Variants in ZNF385C observed in about 807,000 individuals in gnomAD.
ZNF385C encodes the protein zinc finger protein 385C.
A neutral mutation model predicts 35.4 loss-of-function variants in ZNF385C; 28 were observed. The ratio of observed to expected loss-of-function variants is 0.79; its 90% confidence interval spans 0.59 to 1.08. ZNF385C has a LOEUF of 1.08. Among genes scored for constraint, ZNF385C ranks in the 50% least tolerant of loss-of-function variants. The pLI, the probability that ZNF385C is intolerant of heterozygous loss-of-function variation, is 0.00. For synonymous variants in ZNF385C, 248 were observed against 248.2 expected, an observed-to-expected ratio of 1.00 and a Z score of 0.01; for missense variants, 605 against 595.6, an observed-to-expected ratio of 1.02 and a Z score of -0.16.
chr17:42,042,875 GCT>G, intron 2 of ZNF385C: 7 of 1,232,292 alleles, frequency 5.7e-6, no homozygotes, highest in Non-Finnish European at 7.1e-6. Context: ...TAATCGCCAT[GCT>G]CTGTGCCCAG....
intron 1 of ZNF385C, among the ~76,000 whole-genome samples, chr17:42,069,046 G>C (rs1319910118): frequency 6.6e-6 from 1 of 152,166 alleles, no homozygotes; most frequent in Non-Finnish European, 1.5e-5. Context: ...CCATCCATCT[G>C]TCTGTCTGTC....
intron 2 of ZNF385C, among the ~76,000 whole-genome samples, chr17:42,057,511 CGCGT>C (rs1196738111): frequency 2.7e-5 from 4 of 145,990 alleles, no homozygotes; most frequent in African/African-American, 1.1e-4. Context: ...CGCGCGCGCG[CGCGT>C]GTGTGTGTGT....
chr17:42,037,726 C>A lies in ZNF385C; in HGVS notation c.399+11G>T, dbSNP rs1419939112. 6 of 1,519,268 alleles carry A rather than the reference C, an allele frequency of 3.9e-6. No homozygotes were observed. The highest frequency in any genetic ancestry group is 1.4e-5 in the African/African-American group (1 of 72,014). 94.1% of individuals were successfully genotyped at this position (1,519,268 alleles called of 1,614,324 possible). A position where few individuals can be genotyped will look rare whatever the true frequency, so the allele number is the denominator to read the frequency against. On this transcript the variant is annotated intron_variant, in intron 3 of 8. Coordinates refer to ENST00000692273, the MANE Select transcript of ZNF385C (RefSeq NM_001392013.1). The stretch of plus-strand genomic sequence containing the variant: ...TGTGTGCATGCCCCCACCCGCCAGC[C>A]CAGCCCATACCGTGCTGAAGTTGGG...
intron 1 of ZNF385C, among the ~76,000 whole-genome samples, chr17:42,086,590 T>G (rs1166745022): frequency 1.3e-5 from 2 of 148,472 alleles, no homozygotes; most frequent in East Asian, 4.1e-4. Flanking sequence ...TCATTCCAGC[T>G]ACTTGGGAGG....
rs1167019476 is a variant in ZNF385C, at chr17:42,057,226, C to G, written c.250+5581G>C. Among the ~76,000 whole-genome samples the G allele has an allele frequency of 4.6e-5, 7 of 152,174 alleles. No homozygotes were observed. In the South Asian group the frequency reaches 8.3e-4, roughly 18 times the overall value. ...TGTTACCTAATCTCCCTGAGCCCCA[C>G]TCTCCCAGTTTATAAAGTGAGACTG... On this transcript the variant is annotated intron_variant, in intron 2 of 8. Transcript: ENST00000692273.
chr17:42,038,092 C>T (rs999068259), intron 2 of ZNF385C: 195 of 1,532,042 alleles, frequency 1.3e-4, no homozygotes, highest in Non-Finnish European at 1.5e-4. Context: ...GCAGGGAGTC[C>T]ACAGTTGAGG....
At position 42,050,481 on chromosome 17, in the gene ZNF385C, G is replaced by C. The variant is rs1354682156; in HGVS notation, c.250+12326C>G. ...GGTCCCGCAGAGGCACTGAGCCTCC[G>C]CCCGCCCGTCCCGCCCGCTCCGGGA... is the stretch of plus-strand genomic sequence containing the variant. On this transcript the variant is annotated intron_variant, in intron 2 of 8. Transcript: ENST00000692273. The surrounding 1 kb of genome is among the most constrained non-coding windows in gnomAD (Gnocchi z 5.6). The C allele has an allele frequency of 6.6e-6, 1 of 152,102 alleles. No homozygotes were observed. Among genetic ancestry groups the C allele is most frequent in the African/African-American group, 2.4e-5 (1 of 41,404 alleles). The allele number at this position is 152,102 out of a possible 1,614,324, so 9.4% of individuals were successfully genotyped here. A position where few individuals can be genotyped will look rare whatever the true frequency, so the allele number is the denominator to read the frequency against.
intron 1 of ZNF385C, among the ~76,000 whole-genome samples, chr17:42,082,457 A>G (rs1467856900): frequency 6.6e-5 from 10 of 152,142 alleles, no homozygotes; most frequent in African/African-American, 1.9e-4. Context: ...GCTCCTCTAG[A>G]TCCCTACTCC....
At chr17:42,061,577 A>C (rs1483583163) in intron 2 of ZNF385C, 1 of 152,208 alleles carries the variant, frequency 6.6e-6, no homozygotes, top group African/African-American at 2.4e-5. Context: ...CCCATCAGTC[A>C]GATACTCTCT....
Position 42,029,030 on chromosome 17 carries a change from T to G in ZNF385C, c.720A>C (p.Pro240=). The G allele has an allele frequency of 6.5e-7, 1 of 1,550,188 alleles. No individual in the cohort carries two copies. Among genetic ancestry groups the G allele is most frequent in the Non-Finnish European group, 8.7e-7 (1 of 1,146,942 alleles). Residue 240 remains proline (P), a synonymous_variant, in exon 6 of 9, where the codon CCA becomes CCC. Transcript: ENST00000692273. ...PPLGPPLQPP[P]TPDPTCREPA... is the part of the protein sequence containing the mutation. ...GCTCCCTGCATGTAGGGTCTGGAGT[T>G]GGTGGTGGCTGGAGTGGAGGCCCAA... is the stretch of plus-strand genomic sequence containing the variant.
intron 2 of ZNF385C, among the ~76,000 whole-genome samples, chr17:42,047,265 C>A (rs1335788977): frequency 6.6e-6 from 1 of 152,184 alleles, no homozygotes; most frequent in Admixed American, 6.6e-5. Context: ...ATCTCCTGAC[C>A]TCGTGATCCG....
At chr17:42,077,353 G>A (rs1316680172) in intron 1 of ZNF385C, among the ~76,000 whole-genome samples, 3 of 152,126 alleles carry the variant, frequency 2.0e-5, no homozygotes, top group Non-Finnish European at 4.4e-5. Context: ...CTAATAGTAG[G>A]GGCATTATTA....
At chr17:42,034,919 G>A (rs1217922168) in intron 3 of ZNF385C, among the ~76,000 whole-genome samples, 1 of 151,596 alleles carries the variant, frequency 6.6e-6, no homozygotes, top group Non-Finnish European at 1.5e-5. Flanking sequence ...CTGAGGTCAG[G>A]AGTTCAAGAC....
chr17:42,094,340 G>A (rs2053895564), intron 1 of ZNF385C, among the ~76,000 whole-genome samples: 1 of 152,178 alleles, frequency 6.6e-6, no homozygotes, highest in South Asian at 2.1e-4. Flanking sequence ...AAGAGACTAA[G>A]GCAGAGAGTC....
chr17:42,055,055 C>A (rs1555657441), intron 2 of ZNF385C, among the ~76,000 whole-genome samples: 2 of 152,090 alleles, frequency 1.3e-5, no homozygotes, highest in Non-Finnish European at 2.9e-5. Flanking sequence ...GGCAGCCAGC[C>A]CACAGCTGGA....
rs555503615 is a variant in ZNF385C at position 42,089,814 on chromosome 17, A to T, written c.-3+8596T>A. The stretch of plus-strand genomic sequence containing the variant: ...TGCCGATGAAAACAGTTTCAGTAAA[A>T]TTACAAAAGAATGAAAAACATGGAC... On this transcript the variant is annotated intron_variant, in intron 1 of 8. Coordinates refer to ENST00000692273, the MANE Select transcript of ZNF385C (RefSeq NM_001392013.1). Among the ~76,000 whole-genome samples, 41 of 152,350 alleles carry T rather than the reference A, an allele frequency of 2.7e-4. 1 individual carries two copies. The South Asian group carries it at 7.7e-3, about 28-fold the overall frequency.
At position 42,026,808 on chromosome 17, in the gene ZNF385C, C is replaced by T. The variant is rs1199948806; in HGVS notation, c.*89G>A. 19 of 1,290,200 alleles carry T rather than the reference C, an allele frequency of 1.5e-5. No homozygotes were observed. Among genetic ancestry groups the T allele is most frequent in the Non-Finnish European group, 2.1e-5 (19 of 909,338 alleles). The allele number at this position is 1,290,200 out of a possible 1,614,324, so 79.9% of individuals were successfully genotyped here. A position where few individuals can be genotyped will look rare whatever the true frequency, so the allele number is the denominator to read the frequency against. The stretch of plus-strand genomic sequence containing the variant: ...AGGACCCCTGAAGCTGTTCACAGTC[C>T]CTGTGGCATGTAGGAAACCAAGGTG... On this transcript the variant is annotated 3_prime_UTR_variant, in exon 9 of 9. Transcript: ENST00000692273.
intron 1 of ZNF385C, among the ~76,000 whole-genome samples, chr17:42,082,792 G>A (rs1357176424): frequency 6.6e-6 from 1 of 152,116 alleles, no homozygotes; most frequent in Non-Finnish European, 1.5e-5. Context: ...AATTAGCCAG[G>A]CAAGGCCAGG....
At chr17:42,059,415 A>G (rs2053427672) in intron 2 of ZNF385C, among the ~76,000 whole-genome samples, 1 of 152,180 alleles carries the variant, frequency 6.6e-6, no homozygotes. Context: ...TCACAGGTCC[A>G]ATTTAACAAT....
Sources: allele counts gnomAD v4.1 joint callset (sites outside exome capture counted in the v4.1 genomes callset), GRCh38; gene constraint gnomAD v4.1.1; non-coding constraint Gnocchi (gnomAD v3.1); transcripts MANE v1.5; gene names NCBI Gene and HGNC (gene_info 2026-07-23, HGNC 2026-07-21).